The following ZNF385B variants were observed in gnomAD, a reference collection of about 807,000 sequenced individuals.
The protein encoded by ZNF385B is zinc finger protein 533.
ZNF385B carries 23 observed loss-of-function variants against 39.2 expected under a neutral mutation model. That is an observed-to-expected ratio of 0.59 (90% CI 0.42 to 0.83). ZNF385B has a LOEUF of 0.83. Ranked by LOEUF, ZNF385B falls within the 40% of genes least tolerant of loss-of-function variation. The probability of loss-of-function intolerance (pLI) is 0.00; values close to 1 mark genes in which losing one functional copy is unlikely to be tolerated. For missense variants in ZNF385B, 552 were observed against 598.9 expected, an observed-to-expected ratio of 0.92 and a Z score of 0.82; for synonymous variants, 205 against 222.6, an observed-to-expected ratio of 0.92 and a Z score of 0.70.
rs1684957678 is a variant in ZNF385B at position 179,860,513 on chromosome 2, C to T, written c.-155+588G>A. On this transcript the variant is annotated intron_variant, in intron 1 of 9. Transcript: ENST00000410066. Reference sequence around the variant, plus strand: ...TCCCACCCTTCCCTGACACCTTCACCAGCGCTTAGTGGCCGAGGCCGCCCG... The same window carrying T: ...TCCCACCCTTCCCTGACACCTTCACTAGCGCTTAGTGGCCGAGGCCGCCCG... 2.0e-5 allele frequency among the ~76,000 whole-genome samples: 3 copies of T among 152,102 alleles called. No homozygotes were observed. The South Asian group carries it at 6.2e-4, about 32-fold the overall frequency.
chr2:179,523,727 G>T (rs906776914), intron 4 of ZNF385B, among the ~76,000 whole-genome samples: 1 of 152,106 alleles, frequency 6.6e-6, no homozygotes, highest in African/African-American at 2.4e-5. Flanking sequence ...ACTGGGATGG[G>T]AACTGGGCAT....
At position 179,776,402 on chromosome 2, in the gene ZNF385B, C is replaced by T. The variant is rs537784111; in HGVS notation, c.-154-5730G>A. On this transcript the variant is annotated intron_variant, in intron 1 of 9. Coordinates refer to ENST00000410066, the MANE Select transcript of ZNF385B (RefSeq NM_152520.6). ...CTGACCCTTGAAATGGGGTGACAGG[C>T]CTGAGACTGGGCAGAGAAGACTTTG... Among the ~76,000 whole-genome samples the T allele has an allele frequency of 9.7e-4, 148 of 152,160 alleles. 1 individual carries two copies. Among genetic ancestry groups the T allele is most frequent in the South Asian group, 3.5e-3 (17 of 4,806 alleles).
At chr2:179,804,930 C>T (rs753320892) in intron 1 of ZNF385B, among the ~76,000 whole-genome samples, 7 of 152,180 alleles carry the variant, frequency 4.6e-5, no homozygotes, top group Non-Finnish European at 1.0e-4. Flanking sequence ...GCAATGCCCT[C>T]TGTCATTGAT....
At chr2:179,690,277 T>A (rs1698256557) in intron 3 of ZNF385B, among the ~76,000 whole-genome samples, 1 of 152,136 alleles carries the variant, frequency 6.6e-6, no homozygotes, top group African/African-American at 2.4e-5. Flanking sequence ...ATGCTTATTA[T>A]CTTCATGTGA....
intron 3 of ZNF385B, among the ~76,000 whole-genome samples, chr2:179,765,187 T>C (rs1703617417): frequency 6.6e-6 from 1 of 152,248 alleles, no homozygotes; most frequent in Non-Finnish European, 1.5e-5. Context: ...ATTTCTATTC[T>C]TTCCATTGTT....
chr2:179,736,398 G>A (rs1189176746), intron 3 of ZNF385B, among the ~76,000 whole-genome samples: 2 of 151,528 alleles, frequency 1.3e-5, no homozygotes, highest in Non-Finnish European at 2.9e-5. Flanking sequence ...CCCTGTTGTT[G>A]GTCCTCCCTC....
intron 6 of ZNF385B, among the ~76,000 whole-genome samples, chr2:179,463,486 A>G (rs923635965): frequency 6.6e-6 from 1 of 151,940 alleles, no homozygotes; most frequent in South Asian, 2.1e-4. Context: ...TATTTCTCCT[A>G]ATGTTATCCC....
intron 1 of ZNF385B, among the ~76,000 whole-genome samples, chr2:179,795,144 T>C (rs1367248090): frequency 6.6e-6 from 1 of 151,578 alleles, no homozygotes; most frequent in African/African-American, 2.4e-5. Flanking sequence ...TCAAGGAAGC[T>C]AAAAAAGAAA....
intron 6 of ZNF385B, among the ~76,000 whole-genome samples, chr2:179,478,483 G>A (rs970628282): frequency 1.3e-5 from 2 of 152,228 alleles, no homozygotes; most frequent in African/African-American, 4.8e-5. Flanking sequence ...ACTGCGTCTT[G>A]TAAGCTGAAC....
chr2:179,483,205 A>C (rs2054189903), intron 6 of ZNF385B, 67 bp downstream of exon 6: 2 of 1,576,592 alleles, frequency 1.3e-6, no homozygotes, highest in Non-Finnish European at 1.7e-6. Context: ...TGAGGGCAGG[A>C]AAACGGGGTC....
At chr2:179,445,198 T>G (rs1460983091) in intron 8 of ZNF385B, among the ~76,000 whole-genome samples, 1 of 152,188 alleles carries the variant, frequency 6.6e-6, no homozygotes, top group Non-Finnish European at 1.5e-5. Flanking sequence ...AGATTTTGCC[T>G]GGTATTACCA....
intron 1 of ZNF385B, among the ~76,000 whole-genome samples, chr2:179,774,760 A>G (rs1365463842): frequency 6.6e-6 from 1 of 152,242 alleles, no homozygotes; most frequent in African/African-American, 2.4e-5. Context: ...CCCCAAGGAA[A>G]AAGTATCATC....
At chr2:179,609,450 T>A (rs1026497658) in intron 3 of ZNF385B, among the ~76,000 whole-genome samples, 10 of 152,214 alleles carry the variant, frequency 6.6e-5, no homozygotes, top group Non-Finnish European at 1.3e-4. Context: ...TGTGTATATG[T>A]ACCACATTTT....
intron 5 of ZNF385B, among the ~76,000 whole-genome samples, chr2:179,508,157 C>T (rs1186704128): frequency 6.6e-6 from 1 of 152,132 alleles, no homozygotes; most frequent in African/African-American, 2.4e-5. Context: ...CAAATGCCTG[C>T]TCAAGCATAC....
At chr2:179,833,529 C>T (rs1030178897) in intron 1 of ZNF385B, among the ~76,000 whole-genome samples, 2 of 152,110 alleles carry the variant, frequency 1.3e-5, no homozygotes, top group African/African-American at 4.8e-5. Context: ...TAGAGTTCTA[C>T]AAATGTACTG....
At chr2:179,768,310 T>G (rs919439442) in intron 3 of ZNF385B, among the ~76,000 whole-genome samples, 1 of 152,164 alleles carries the variant, frequency 6.6e-6, no homozygotes, top group African/African-American at 2.4e-5. Context: ...TTGGAATAAT[T>G]ATAATAAATA....
intron 1 of ZNF385B, among the ~76,000 whole-genome samples, chr2:179,857,890 A>G (rs1372241944): frequency 6.6e-6 from 1 of 152,168 alleles, no homozygotes; most frequent in Non-Finnish European, 1.5e-5. Context: ...CAACGAGATC[A>G]AAGTAAAAAA....
At position 179,861,516 on chromosome 2, in the gene ZNF385B, C is replaced by T. The variant is rs1455910627; in HGVS notation, c.-570G>A. The T allele has an allele frequency of 6.6e-6, 1 of 152,212 alleles. No individual in the cohort carries two copies. Among genetic ancestry groups the T allele is most frequent in the Admixed American group, 6.6e-5 (1 of 15,264 alleles). The allele number at this position is 152,212 out of a possible 1,614,324, so 9.4% of individuals were successfully genotyped here. A position where few individuals can be genotyped will look rare whatever the true frequency, so the allele number is the denominator to read the frequency against. On this transcript the variant is annotated 5_prime_UTR_variant, in exon 1 of 10. Coordinates refer to ENST00000410066, the MANE Select transcript of ZNF385B (RefSeq NM_152520.6). The stretch of plus-strand genomic sequence containing the variant: ...GGGGTTTGGACGTGCCAACGCCACT[C>T]TCGCGCGCCGAAGCTGTGACGGTTT...
chr2:179,474,704 G>A (rs1329283106), intron 6 of ZNF385B, among the ~76,000 whole-genome samples: 3 of 152,044 alleles, frequency 2.0e-5, no homozygotes, highest in Non-Finnish European at 4.4e-5. Flanking sequence ...TAGAATATAG[G>A]ATATTAGGTG....
Sources: gnomAD v4.1 joint callset for allele counts (sites outside exome capture counted in the v4.1 genomes callset) on GRCh38, gnomAD v4.1.1 for gene constraint, MANE v1.5 for transcripts, NCBI Gene and HGNC (gene_info 2026-07-23, HGNC 2026-07-21) for gene names.